Variants in NF1 observed in about 807,000 individuals in gnomAD.
NF1 encodes neurofibromin.
NF1 carries 122 observed loss-of-function variants against 325.7 expected under a neutral mutation model. The observed-to-expected ratio is 0.37, with a 90% CI of 0.32 to 0.44. The LOEUF is 0.44. Among genes scored for constraint, NF1 ranks in the 20% least tolerant of loss-of-function variants. The pLI, the probability that NF1 is intolerant of heterozygous loss-of-function variation, is 1.00. For synonymous variants in NF1, 1,091 were observed against 1,186.0 expected (o/e 0.92, Z 1.65); for missense variants, 2,140 against 3,415.4 (o/e 0.63, Z 9.31).
intron 36 of NF1, among the ~76,000 whole-genome samples, chr17:31,320,048 T>A (rs1246163423): frequency 1.3e-5 from 2 of 152,104 alleles, no homozygotes; most frequent in Non-Finnish European, 2.9e-5. Context: ...ATACATTTTT[T>A]AAATCTACCA....
At chr17:31,339,843 G>A (rs938386638) in intron 46 of NF1, among the ~76,000 whole-genome samples, 17 of 152,158 alleles carry the variant, frequency 1.1e-4, no homozygotes, top group Admixed American at 9.2e-4. Flanking sequence ...TTAAAATAAA[G>A]TTAAAGGGAA....
intron 36 of NF1, among the ~76,000 whole-genome samples, chr17:31,278,650 T>C (rs1020995203): frequency 3.6e-4 from 55 of 151,466 alleles, no homozygotes; most frequent in African/African-American, 1.2e-3. Context: ...GTTTCGCTCT[T>C]GTTGCCTAGG....
chr17:31,239,432 G>A lies in NF1; in HGVS notation c.3974+3411G>A, dbSNP rs551552828. Among the ~76,000 whole-genome samples the A allele has an allele frequency of 6.3e-4, 96 of 151,956 alleles. 1 individual carries two copies. The highest frequency in any genetic ancestry group is 2.1e-3 in the African/African-American group (88 of 41,410). On this transcript the variant is annotated intron_variant, in intron 29 of 57. Coordinates refer to ENST00000358273, the MANE Select transcript of NF1 (RefSeq NM_001042492.3). Reference sequence around the variant, plus strand: ...AATGAAAATACATCAAAATTTGTGGGGTTTAATAAAAGCAGTTGCTTAGCA... The same window carrying A: ...AATGAAAATACATCAAAATTTGTGGAGTTTAATAAAAGCAGTTGCTTAGCA...
Position 31,156,177 on chromosome 17 carries a change from G to C in NF1, c.204+51G>C, listed in dbSNP as rs17885980. ...GGGGAATTTGCTTTCTTTTCTTTTT[G>C]ATTAAAAAGTTTAGAACAGCATATT... On this transcript the variant is annotated intron_variant, in intron 2 of 57. Transcript: ENST00000358273. The C allele has an allele frequency of 6.0e-3, 9,607 of 1,599,276 alleles. 43 individuals are homozygous for C. Among genetic ancestry groups the C allele is most frequent in the Non-Finnish European group, 7.2e-3 (8,386 of 1,168,588 alleles).
chr17:31,223,439 T>C lies in NF1; in HGVS notation c.1722-5T>C, dbSNP rs1458980212. ...CTAGTAACAATGAACTTTATGTTAC[T>C]GCAGCTCACAAATGCTTTTTTACAT... On this transcript the variant is annotated splice_region_variant and splice_polypyrimidine_tract_variant and intron_variant, in intron 15 of 57. Transcript: ENST00000358273. 1.9e-6 allele frequency: 3 copies of C among 1,611,268 alleles called. No homozygotes were observed. The African/African-American group carries it at 4.0e-5, about 22-fold the overall frequency.
At position 31,252,905 on chromosome 17, in the gene NF1, T is replaced by C. The variant is rs993464850; in HGVS notation, c.4111-33T>C. On this transcript the variant is annotated intron_variant, in intron 30 of 57. Coordinates refer to ENST00000358273, the MANE Select transcript of NF1 (RefSeq NM_001042492.3). ...TTTTGTTGCTGTATGTAGTCGGTGCTGTGACTTGTTTGTGCTCATCTCTGT... is the reference window on the plus strand; with the variant it reads ...TTTTGTTGCTGTATGTAGTCGGTGCCGTGACTTGTTTGTGCTCATCTCTGT... The C allele has an allele frequency of 2.5e-6, 4 of 1,574,306 alleles. No homozygotes were observed. In the African/African-American group the frequency reaches 5.4e-5, roughly 21 times the overall value.
rs567609937 is a variant in NF1 at position 31,259,211 on chromosome 17, A to G, written c.4430+82A>G. On this transcript the variant is annotated intron_variant, in intron 33 of 57. Coordinates refer to ENST00000358273, the MANE Select transcript of NF1 (RefSeq NM_001042492.3). ...ACATAAATCCATGTACCTGTTTTACATGAAGTTCCTGTGTAAGTTTTTTTC... is the reference window on the plus strand; with the variant it reads ...ACATAAATCCATGTACCTGTTTTACGTGAAGTTCCTGTGTAAGTTTTTTTC... The G allele has an allele frequency of 2.1e-5, 20 of 937,762 alleles. No homozygotes were observed. In the South Asian group the frequency reaches 2.6e-4, roughly 12 times the overall value. 58.1% of individuals were successfully genotyped at this position (937,762 alleles called of 1,614,324 possible).
intron 12 of NF1, among the ~76,000 whole-genome samples, chr17:31,212,659 G>A (rs1216542158): frequency 1.3e-5 from 2 of 152,158 alleles, no homozygotes; most frequent in South Asian, 2.1e-4. Flanking sequence ...GCAGTTAGCC[G>A]AGATCGCGCC....
At chr17:31,272,245 G>C (rs1597761387) in intron 36 of NF1, 1 of 152,216 alleles carries the variant, frequency 6.6e-6, no homozygotes, top group Admixed American at 6.5e-5. Flanking sequence ...ACTTCAGCCT[G>C]AGTGCAAGTA....
chr17:31,200,271 T>C, intron 8 of NF1, 151 bp from the exon 9 acceptor site: 1 of 659,772 alleles, frequency 1.5e-6, no homozygotes, highest in South Asian at 2.0e-5. Context: ...TGATGACCAC[T>C]ACTTAAATTA....
chr17:31,207,684 A>G (rs1324140691), intron 12 of NF1, among the ~76,000 whole-genome samples: 1 of 152,164 alleles, frequency 6.6e-6, no homozygotes. Flanking sequence ...CAGTACAGGT[A>G]TAAGTTAATT....
At chr17:31,288,522 GTTTTTTTT>G (rs200926157) in intron 36 of NF1, among the ~76,000 whole-genome samples, 2 of 119,714 alleles carry the variant, frequency 1.7e-5, no homozygotes, top group South Asian at 5.7e-4. Context: ...TTTTTGCTTT[GTTTTTTTT>G]TTTTTTTTTT....
intron 8 of NF1, among the ~76,000 whole-genome samples, chr17:31,195,988 G>C (rs1319256050): frequency 6.6e-6 from 1 of 151,648 alleles, no homozygotes; most frequent in Non-Finnish European, 1.5e-5. Flanking sequence ...TTTTATTTTT[G>C]ATTTTTTGAA....
At chr17:31,287,765 C>G (rs1664625701) in intron 36 of NF1, among the ~76,000 whole-genome samples, 1 of 151,876 alleles carries the variant, frequency 6.6e-6, no homozygotes, top group South Asian at 2.1e-4. Context: ...TTGCCGGGCT[C>G]AGAGCTCAAG....
chr17:31,335,318 T>G (rs2069635938), intron 40 of NF1, among the ~76,000 whole-genome samples: 1 of 13,322 alleles, frequency 7.5e-5, no homozygotes. Context: ...AAGGAGACTG[T>G]GCAAATAACT....
At chr17:31,309,802 C>G (rs1183326268) in intron 36 of NF1, among the ~76,000 whole-genome samples, 1 of 152,174 alleles carries the variant, frequency 6.6e-6, no homozygotes, top group Non-Finnish European at 1.5e-5. Flanking sequence ...CAGTAGTAAG[C>G]TGGTGGAACC....
intron 57 of NF1, among the ~76,000 whole-genome samples, chr17:31,364,318 T>C (rs1158201858): frequency 6.6e-6 from 1 of 152,238 alleles, no homozygotes; most frequent in African/African-American, 2.4e-5. Context: ...AAAGGTTCCA[T>C]TGCCCTATTT....
chr17:31,109,853 C>G (rs1913251397), intron 1 of NF1, among the ~76,000 whole-genome samples: 1 of 152,158 alleles, frequency 6.6e-6, no homozygotes, highest in African/African-American at 2.4e-5. Context: ...TTGTCTTTAA[C>G]ATTTCTAGTT....
intron 29 of NF1, among the ~76,000 whole-genome samples, chr17:31,242,175 C>T (rs1597728337): frequency 2.6e-5 from 4 of 151,868 alleles, no homozygotes; most frequent in Admixed American, 2.0e-4. Flanking sequence ...CTTTCTTTAT[C>T]CTTGACCTTT....
Sources: allele counts gnomAD v4.1 joint callset (sites outside exome capture counted in the v4.1 genomes callset), GRCh38; gene constraint gnomAD v4.1.1; transcripts MANE v1.5; gene names NCBI Gene and HGNC (gene_info 2026-07-23, HGNC 2026-07-21).